Variants in DENND4A observed in about 807,000 individuals in gnomAD.
The protein encoded by DENND4A is C-myc promoter-binding protein.
DENND4A carries 70 observed loss-of-function variants against 199.3 expected under a neutral mutation model. The ratio of observed to expected loss-of-function variants is 0.35; its 90% confidence interval spans 0.29 to 0.43. The LOEUF is 0.43. Ranked by LOEUF, DENND4A falls within the 20% of genes least tolerant of loss-of-function variation. The pLI is 1.00. For synonymous variants in DENND4A, 686 were observed against 766.9 expected (o/e 0.89, Z 1.74); for missense variants, 1,723 against 2,255.8 (o/e 0.76, Z 4.78).
chr15:65,777,859 C>A (rs2077323379), intron 1 of DENND4A, among the ~76,000 whole-genome samples: 1 of 151,978 alleles, frequency 6.6e-6, no homozygotes, highest in African/African-American at 2.4e-5. Flanking sequence ...TACGGTGAAA[C>A]CCTGTCTCAA....
Position 65,718,991 on chromosome 15 carries a change from G to A in DENND4A, c.1589-995C>T, listed in dbSNP as rs183583444. Among the ~76,000 whole-genome samples, 232 of 151,402 alleles carry A rather than the reference G, an allele frequency of 1.5e-3. 1 individual carries two copies. Among genetic ancestry groups the A allele is most frequent in the African/African-American group, 5.2e-3 (214 of 41,300 alleles). On this transcript the variant is annotated intron_variant, in intron 12 of 32. Transcript: ENST00000443035. Reference sequence around the variant, plus strand: ...GACGGGGTTTCACCGTGTTGGCGAGGCTAGTCTCGAACTCCTGACCTCAGG... The same window carrying A: ...GACGGGGTTTCACCGTGTTGGCGAGACTAGTCTCGAACTCCTGACCTCAGG...
chr15:65,719,627 C>T (rs1432430408), intron 12 of DENND4A, among the ~76,000 whole-genome samples: 1 of 152,088 alleles, frequency 6.6e-6, no homozygotes, highest in Non-Finnish European at 1.5e-5. Flanking sequence ...CAGTGGCTCA[C>T]ATCTGTAATC....
Position 65,771,481 on chromosome 15 carries a change from G to C in DENND4A, c.-101-10043C>G, listed in dbSNP as rs1319344980. 2.5e-5 allele frequency: 40 copies of C among 1,609,624 alleles called. No individual in the cohort carries two copies. The Middle Eastern group carries it at 1.3e-3, about 53-fold the overall frequency. On this transcript the variant is annotated intron_variant, in intron 1 of 32. Coordinates refer to ENST00000443035, the MANE Select transcript of DENND4A (RefSeq NM_001320835.1). ...TTTGCCCTGTTCCAGATCTGGGATA[G>C]AAGGAATAAGGAGGATTACAGACCA...
At chr15:65,752,252 CA>C (rs1290812560) in intron 4 of DENND4A, 126 bp downstream of exon 4, 1 of 833,950 alleles carries the variant, frequency 1.2e-6, no homozygotes, top group African/African-American at 2.4e-5. Context: ...ACACATTTTT[CA>C]ATTCTGTAAT....
At chr15:65,765,983 G>A (rs377291416) in intron 1 of DENND4A, among the ~76,000 whole-genome samples, 24 of 152,180 alleles carry the variant, frequency 1.6e-4, no homozygotes, top group African/African-American at 4.8e-4. Context: ...GGGCGCGGTG[G>A]CTCACGCCTG....
At chr15:65,753,696 T>C (rs1403354770) in intron 3 of DENND4A, among the ~76,000 whole-genome samples, 2 of 152,110 alleles carry the variant, frequency 1.3e-5, no homozygotes, top group African/African-American at 4.8e-5. Context: ...TATAAAGCTA[T>C]AAATTAAATG....
intron 1 of DENND4A, among the ~76,000 whole-genome samples, chr15:65,784,283 G>A (rs2077509227): frequency 6.6e-6 from 1 of 152,136 alleles, no homozygotes; most frequent in African/African-American, 2.4e-5. Flanking sequence ...TAAATGTATT[G>A]TCGTATTCTG....
chr15:65,692,922 T>C (rs1387134584), intron 22 of DENND4A, among the ~76,000 whole-genome samples: 1 of 152,182 alleles, frequency 6.6e-6, no homozygotes, highest in Non-Finnish European at 1.5e-5. Flanking sequence ...ACTATACCAA[T>C]GAGCCAAATC....
At chr15:65,691,533 T>A (rs753872350) in intron 22 of DENND4A, 22 bp from the exon 23 acceptor site, 1 of 1,526,736 alleles carries the variant, frequency 6.5e-7, no homozygotes, top group Non-Finnish European at 8.8e-7. Context: ...GTAAAGTGCT[T>A]TTAGCCATGA....
At position 65,660,476 on chromosome 15, in the gene DENND4A, A is replaced by G. The variant is rs2075817464; in HGVS notation, c.*1375T>C. 1.8e-6 allele frequency: 1 copy of G among 540,844 alleles called. No individual in the cohort carries two copies. The highest frequency in any genetic ancestry group is 3.3e-6 in the Non-Finnish European group (1 of 305,586). The allele number at this position is 540,844 out of a possible 1,614,324, so 33.5% of individuals were successfully genotyped here. On this transcript the variant is annotated 3_prime_UTR_variant, in exon 33 of 33. Coordinates refer to ENST00000443035, the MANE Select transcript of DENND4A (RefSeq NM_001320835.1). ...TTCCTTCTTTAAAGCTGGCTAGGGA[A>G]TTCCTTCACTAATGATAATGTGTGC...
At chr15:65,734,965 C>A (rs1377092477) in intron 7 of DENND4A, among the ~76,000 whole-genome samples, 1 of 151,984 alleles carries the variant, frequency 6.6e-6, no homozygotes, top group Non-Finnish European at 1.5e-5. Flanking sequence ...GCCTGCAGTC[C>A]CAGCTACTTG....
intron 14 of DENND4A, among the ~76,000 whole-genome samples, chr15:65,708,490 A>T (rs570986023): frequency 1.3e-5 from 2 of 152,312 alleles, no homozygotes; most frequent in Admixed American, 1.3e-4. Flanking sequence ...TAGACTCAAT[A>T]GCTTGGTAAA....
At chr15:65,778,529 C>A (rs2077344935) in intron 1 of DENND4A, among the ~76,000 whole-genome samples, 2 of 151,194 alleles carry the variant, frequency 1.3e-5, no homozygotes, top group Admixed American at 1.3e-4. Context: ...AGGTTAGGTT[C>A]CACATCACTA....
At position 65,752,449 on chromosome 15, in the gene DENND4A, A is replaced by G; in HGVS notation, c.491T>C (p.Ile164Thr). 1 of 1,613,714 alleles carries G rather than the reference A, an allele frequency of 6.2e-7. No homozygotes were observed. Residue 164 changes from isoleucine to threonine, a missense_variant, in exon 4 of 33, where the codon ATT becomes ACT. Ile to Thr is a moderately conservative substitution (Grantham distance 89). Around this residue, in one of 6 missense-constraint regions of DENND4A, gnomAD observed 725 missense variants for 952.9 expected, o/e 0.76. Transcript: ENST00000443035. ...NTLAVTDICI[I>T]IPSKGESPPH... ...TGGGCTTTCTCCTTTACTGGGTATA[A>G]TAATACATATGTCAGTGACAGCCAA...
intron 14 of DENND4A, among the ~76,000 whole-genome samples, chr15:65,713,009 T>G (rs1288020958): frequency 6.6e-6 from 1 of 152,166 alleles, no homozygotes; most frequent in Non-Finnish European, 1.5e-5. Flanking sequence ...ACTTTTATAC[T>G]TCCTACAAAG....
At position 65,700,604 on chromosome 15, in the gene DENND4A, G is replaced by C; in HGVS notation, c.2773C>G (p.Gln925Glu). ...DSGHGTHTVE[Q>E]APFNTGLIKV... Reference sequence around the variant, plus strand: ...ATTAAACCCGTATTAAAAGGTGCCTGCTCCACAGTGTGTGTCCCATGACCA... The same window carrying C: ...ATTAAACCCGTATTAAAAGGTGCCTCCTCCACAGTGTGTGTCCCATGACCA... Residue 925 changes from glutamine to glutamate, a missense_variant, in exon 20 of 33, where the codon CAG (glutamine) becomes GAG (glutamate). Physicochemically the swap from Gln to Glu is conservative, Grantham distance 29 (BLOSUM62 2). Around this residue, in one of 6 missense-constraint regions of DENND4A, gnomAD observed 650 missense variants for 738.1 expected, o/e 0.88. Transcript: ENST00000443035. The C allele has an allele frequency of 6.5e-7, 1 of 1,546,844 alleles. No homozygotes were observed.
At chr15:65,697,449 G>A (rs1318361069) in intron 20 of DENND4A, 66 bp from the exon 21 acceptor site, 1 of 958,376 alleles carries the variant, frequency 1.0e-6, no homozygotes, top group African/African-American at 1.7e-5. Context: ...CTGGAATTAG[G>A]AGCAACATAC....
In DENND4A at chr15:65,744,391, T is replaced by C. The variant is rs190744498; in HGVS notation, c.562-2607A>G. Among the ~76,000 whole-genome samples the C allele has an allele frequency of 7.9e-4, 121 of 152,272 alleles. 3 individuals are homozygous for C. Among genetic ancestry groups the C allele is most frequent in the African/African-American group, 2.6e-3 (108 of 41,558 alleles). The stretch of plus-strand genomic sequence containing the variant: ...TAGAGCTAAGGTAAGCGGTCTGAAA[T>C]GGACACACAAACTTGAGAGAGGTCA... On this transcript the variant is annotated intron_variant, in intron 4 of 32. Transcript: ENST00000443035.
chr15:65,764,972 C>CA (rs35902836), intron 1 of DENND4A, among the ~76,000 whole-genome samples: 3,577 of 95,604 alleles, frequency 0.037, 196 homozygotes, highest in African/African-American at 0.12. Flanking sequence ...ACCCTGTCTC[C>CA]AAAAAAAAAA....
Sources: allele counts gnomAD v4.1 joint callset (sites outside exome capture counted in the v4.1 genomes callset), GRCh38; gene constraint gnomAD v4.1.1; regional missense constraint gnomAD v4.1.1; transcripts MANE v1.5; gene names NCBI Gene and HGNC (gene_info 2026-07-23, HGNC 2026-07-21).